Variants in REC114 observed in about 807,000 individuals in gnomAD.
REC114 encodes REC114 meiotic recombination protein.
Under a neutral mutation model 31.3 loss-of-function variants are expected in REC114, and 27 were observed. That is an observed-to-expected ratio of 0.86 (90% CI 0.64 to 1.19). The LOEUF (loss-of-function observed/expected upper bound fraction) is 1.19, where lower values mean the gene tolerates loss of function less well. Ranked by LOEUF, REC114 falls within the 50% of genes most tolerant of loss-of-function variation. The pLI is 0.00. For missense variants in REC114, 344 were observed against 326.9 expected, an observed-to-expected ratio of 1.05 and a Z score of -0.40; for synonymous variants, 134 against 127.7, an observed-to-expected ratio of 1.05 and a Z score of -0.33.
chr15:73,499,788 G>A (rs936155138), intron 2 of REC114, among the ~76,000 whole-genome samples: 1 of 152,052 alleles, frequency 6.6e-6, no homozygotes, highest in African/African-American at 2.4e-5. Context: ...TCCCCCAAAT[G>A]ACTTGTGGGT....
At chr15:73,469,426 T>A (rs997682844) in intron 1 of REC114, among the ~76,000 whole-genome samples, 2 of 152,126 alleles carry the variant, frequency 1.3e-5, no homozygotes, top group Non-Finnish European at 2.9e-5. Context: ...TATTTTTATC[T>A]TTTTAGTGAA....
At chr15:73,484,997 T>TA (rs140973475) in intron 2 of REC114, among the ~76,000 whole-genome samples, 1,703 of 152,322 alleles carry the variant, frequency 0.011, 37 homozygotes, top group African/African-American at 0.039. Context: ...AATTAGTTTT[T>TA]AAAAATGTCC....
intron 1 of REC114, among the ~76,000 whole-genome samples, chr15:73,470,829 G>A (rs1230164564): frequency 6.6e-6 from 1 of 152,208 alleles, no homozygotes; most frequent in African/African-American, 2.4e-5. Context: ...TTTGAAGATG[G>A]AGTGAGTCGT....
At chr15:73,540,920 AT>A (rs1894229809) in intron 3 of REC114, among the ~76,000 whole-genome samples, 1 of 152,012 alleles carries the variant, frequency 6.6e-6, no homozygotes, top group South Asian at 2.1e-4. Context: ...GTGAATATGT[AT>A]TTTCATTTTT....
chr15:73,516,976 T>C (rs1467439387), intron 2 of REC114, among the ~76,000 whole-genome samples: 2 of 152,172 alleles, frequency 1.3e-5, no homozygotes, highest in African/African-American at 4.8e-5. Flanking sequence ...TGTAAAACAC[T>C]CCATCGATTT....
At chr15:73,523,238 C>T (rs552422958) in intron 2 of REC114, among the ~76,000 whole-genome samples, 2 of 151,956 alleles carry the variant, frequency 1.3e-5, no homozygotes, top group South Asian at 4.2e-4. Flanking sequence ...ATGAATGATT[C>T]ATGAATCAGG....
At chr15:73,526,109 G>A (rs1894003421) in intron 2 of REC114, among the ~76,000 whole-genome samples, 1 of 152,084 alleles carries the variant, frequency 6.6e-6, no homozygotes, top group African/African-American at 2.4e-5. Flanking sequence ...AATGATCCTT[G>A]ACCTGACACA....
At chr15:73,494,696 T>C (rs2141304793) in intron 2 of REC114, among the ~76,000 whole-genome samples, 1 of 152,314 alleles carries the variant, frequency 6.6e-6, no homozygotes, top group East Asian at 1.9e-4. Flanking sequence ...TTGGTTGATA[T>C]TCTATAAGTG....
intron 3 of REC114, among the ~76,000 whole-genome samples, chr15:73,544,661 C>T (rs78063536): frequency 0.022 from 3,278 of 152,250 alleles, 121 homozygotes; most frequent in African/African-American, 0.074. Context: ...CAGTAACTCA[C>T]GGAGGAGTTT....
chr15:73,443,446 G>C (rs1892725349), intron 1 of REC114, 102 bp downstream of exon 1: 1 of 1,313,916 alleles, frequency 7.6e-7, no homozygotes, highest in East Asian at 2.6e-5. Context: ...ATGCCGAGGG[G>C]ACACCGAGTG....
chr15:73,460,128 CTTTG>C (rs1338142619), intron 1 of REC114, among the ~76,000 whole-genome samples: 1 of 152,094 alleles, frequency 6.6e-6, no homozygotes, highest in East Asian at 1.9e-4. Context: ...TGGGACCAGT[CTTTG>C]TTCTCTTTCT....
At chr15:73,525,776 T>G (rs1893997964) in intron 2 of REC114, among the ~76,000 whole-genome samples, 1 of 152,220 alleles carries the variant, frequency 6.6e-6, no homozygotes, top group Non-Finnish European at 1.5e-5. Context: ...TATATCTTTT[T>G]GAATGTTTTG....
rs372157281 is a variant in REC114, at chr15:73,493,837, C to T, written c.249+19916C>T. Among the ~76,000 whole-genome samples the T allele has an allele frequency of 2.0e-5, 3 of 152,316 alleles. No homozygotes were observed. The East Asian group carries it at 5.8e-4, about 29-fold the overall frequency. On this transcript the variant is annotated intron_variant, in intron 2 of 5. Coordinates refer to ENST00000331090, the MANE Select transcript of REC114 (RefSeq NM_001042367.2). The stretch of plus-strand genomic sequence containing the variant: ...TGGTATATCTGCCTATTATTTCTCA[C>T]ACAAATTTTTTATTTCTCCGATTAT...
At chr15:73,464,302 G>GAAT (rs756301319) in intron 1 of REC114, among the ~76,000 whole-genome samples, 5 of 151,634 alleles carry the variant, frequency 3.3e-5, no homozygotes, top group Non-Finnish European at 7.4e-5. Flanking sequence ...TCTCAAGTGT[G>GAAT]AATAATAATT....
Position 73,529,332 on chromosome 15 carries a change from GT to G in REC114, c.250-11150del, listed in dbSNP as rs113366827. Among the ~76,000 whole-genome samples, 769 of 152,090 alleles carry G rather than the reference GT, an allele frequency of 5.1e-3. 9 individuals carry two copies. The highest frequency in any genetic ancestry group is 0.018 in the African/African-American group (743 of 41,518). On this transcript the variant is annotated intron_variant, in intron 2 of 5. Coordinates refer to ENST00000331090, the MANE Select transcript of REC114 (RefSeq NM_001042367.2). ...TTTTGTATTTTTTAGTAAAGACGGG[GT>G]TTCACCATGAAAGCCAGGATGGTCT...
intron 1 of REC114, 71 bp downstream of exon 1, chr15:73,443,415 T>C: frequency 6.8e-7 from 1 of 1,462,244 alleles, no homozygotes; most frequent in South Asian, 1.4e-5. Context: ...GCGAATACAC[T>C]GGGCCAGTGC....
intron 2 of REC114, among the ~76,000 whole-genome samples, chr15:73,479,161 C>G (rs1421796755): frequency 1.3e-5 from 2 of 150,124 alleles, no homozygotes; most frequent in Non-Finnish European, 3.0e-5. Context: ...AGCATTTAGT[C>G]TTTTCACCAT....
chr15:73,540,418 A>C, intron 2 of REC114, 67 bp from the exon 3 acceptor site: 817 of 959,206 alleles, frequency 8.5e-4, no homozygotes, highest in Non-Finnish European at 1.3e-3. Context: ...AACAGGAAGT[A>C]GCTGCAGCCA....
chr15:73,503,583 C>A (rs1439257928), intron 2 of REC114, among the ~76,000 whole-genome samples: 1 of 151,956 alleles, frequency 6.6e-6, no homozygotes, highest in Non-Finnish European at 1.5e-5. Flanking sequence ...TTTTATTTTT[C>A]TCTCTACTTT....
Sources: allele counts gnomAD v4.1 joint callset (sites outside exome capture counted in the v4.1 genomes callset), GRCh38; gene constraint gnomAD v4.1.1; transcripts MANE v1.5; gene names NCBI Gene and HGNC (gene_info 2026-07-23, HGNC 2026-07-21).